Variants in CLYBL observed in about 807,000 individuals in gnomAD.
The protein encoded by CLYBL is citramalyl-CoA lyase, mitochondrial.
CLYBL carries 31 observed loss-of-function variants against 38.9 expected under a neutral mutation model. The observed-to-expected ratio is 0.80, with a 90% CI of 0.60 to 1.08. CLYBL has a LOEUF of 1.08. Ranked by LOEUF, CLYBL falls within the 50% of genes least tolerant of loss-of-function variation. The pLI, the probability that CLYBL is intolerant of heterozygous loss-of-function variation, is 0.00. For synonymous variants in CLYBL, 171 were observed against 158.6 expected (o/e 1.08, Z -0.59); for missense variants, 434 against 411.6 (o/e 1.05, Z -0.47).
chr13:99,902,626 C>T (rs2052655134), intron 8 of CLYBL, among the ~76,000 whole-genome samples: 1 of 152,222 alleles, frequency 6.6e-6, no homozygotes, highest in African/African-American at 2.4e-5. Flanking sequence ...TTTAGGACTG[C>T]ACCTTCATTT....
intron 7 of CLYBL, among the ~76,000 whole-genome samples, chr13:99,881,081 G>C (rs915673852): frequency 6.6e-6 from 1 of 152,032 alleles, no homozygotes; most frequent in Non-Finnish European, 1.5e-5. Flanking sequence ...CCCCAAACCC[G>C]ATATTCCCAC....
intron 7 of CLYBL, among the ~76,000 whole-genome samples, chr13:99,889,791 CTCA>C (rs1465831771): frequency 6.6e-6 from 1 of 152,176 alleles, no homozygotes; most frequent in Non-Finnish European, 1.5e-5. Context: ...CCTCTCAGCC[CTCA>C]TCATGAGAGC....
intron 2 of CLYBL, among the ~76,000 whole-genome samples, 164 bp downstream of exon 2, chr13:99,773,174 CTT>C (rs2049436398): frequency 6.6e-6 from 1 of 152,216 alleles, no homozygotes; most frequent in South Asian, 2.1e-4. Context: ...ATGTGTATCT[CTT>C]TTCTCTGAGA....
chr13:99,672,568 G>GT (rs2047582176), intron 1 of CLYBL, among the ~76,000 whole-genome samples: 1 of 151,344 alleles, frequency 6.6e-6, no homozygotes, highest in South Asian at 2.1e-4. Flanking sequence ...GAGCCCAAGA[G>GT]TTTGAGACCA....
At chr13:99,732,460 G>A (rs2048608256) in intron 1 of CLYBL, among the ~76,000 whole-genome samples, 1 of 152,148 alleles carries the variant, frequency 6.6e-6, no homozygotes, top group Admixed American at 6.5e-5. Flanking sequence ...ACTTACAGGT[G>A]TGAGCCACTG....
At position 99,891,336 on chromosome 13, in the gene CLYBL, G is replaced by A. The variant is rs1472421573; in HGVS notation, c.946G>A (p.Gly316Arg). Residue 316 changes from glycine to arginine, a missense_variant, in exon 8 of 9, where the codon GGG becomes AGG. Physicochemically the swap from Gly to Arg is moderately radical, Grantham distance 125. Coordinates refer to ENST00000339105, the MANE Select transcript of CLYBL (RefSeq NM_206808.5). ...TTTCCAGGGGGCCTTTACTTTCCAA[G>A]GGAGTATGATCGACATGCCATTACT... ...QLGKGAFTFQ[G>R]SMIDMPLLKQ... 6 of 1,613,550 alleles carry A rather than the reference G, an allele frequency of 3.7e-6. No homozygotes were observed. The East Asian group carries it at 6.7e-5, about 18-fold the overall frequency.
intron 1 of CLYBL, among the ~76,000 whole-genome samples, chr13:99,761,742 A>C (rs2049170126): frequency 6.6e-6 from 1 of 152,208 alleles, no homozygotes; most frequent in African/African-American, 2.4e-5. Context: ...GAGGAACCTC[A>C]ATACTGTTCT....
intron 2 of CLYBL, among the ~76,000 whole-genome samples, chr13:99,840,419 C>T (rs2051043300): frequency 6.6e-6 from 1 of 151,964 alleles, no homozygotes; most frequent in South Asian, 2.1e-4. Context: ...CAAGACCAGC[C>T]TGGGCAACAT....
chr13:99,833,827 C>T (rs780567761), intron 2 of CLYBL, among the ~76,000 whole-genome samples: 3 of 151,534 alleles, frequency 2.0e-5, no homozygotes, highest in East Asian at 1.9e-4. Flanking sequence ...CTCAGCCTCC[C>T]GAATAGCTGG....
chr13:99,770,044 C>T (rs1239409563), intron 1 of CLYBL, among the ~76,000 whole-genome samples: 2 of 151,406 alleles, frequency 1.3e-5, no homozygotes, highest in South Asian at 2.1e-4. Flanking sequence ...CATCAGTTTG[C>T]CAGGGTTTTA....
intron 1 of CLYBL, chr13:99,726,257 A>G (rs1403925699): frequency 6.6e-6 from 1 of 152,202 alleles, no homozygotes; most frequent in African/African-American, 2.4e-5. Flanking sequence ...TTCATCAAAT[A>G]TTATTTATTA....
At chr13:99,645,724 G>T (rs2139284980) in intron 1 of CLYBL, among the ~76,000 whole-genome samples, 1 of 151,844 alleles carries the variant, frequency 6.6e-6, no homozygotes, top group South Asian at 2.1e-4. Flanking sequence ...TATATATCCT[G>T]GTTATTAATC....
At chr13:99,764,296 T>G (rs911875750) in intron 1 of CLYBL, among the ~76,000 whole-genome samples, 2 of 152,186 alleles carry the variant, frequency 1.3e-5, no homozygotes, top group African/African-American at 4.8e-5. Context: ...TCAGTTTTTT[T>G]GAAGAATTTG....
chr13:99,644,752 G>A (rs1032007631), intron 1 of CLYBL, among the ~76,000 whole-genome samples: 2 of 152,142 alleles, frequency 1.3e-5, no homozygotes, highest in African/African-American at 4.8e-5. Flanking sequence ...TCCCACAAGT[G>A]AGTGAGAACA....
intron 7 of CLYBL, among the ~76,000 whole-genome samples, chr13:99,876,188 G>A (rs1442127937): frequency 4.0e-5 from 6 of 149,778 alleles, no homozygotes; most frequent in African/African-American, 1.5e-4. Context: ...TTGAGAGGCC[G>A]AGGTGGGCAG....
At chr13:99,795,872 A>T (rs957743215) in intron 2 of CLYBL, among the ~76,000 whole-genome samples, 1 of 152,172 alleles carries the variant, frequency 6.6e-6, no homozygotes, top group African/African-American at 2.4e-5. Flanking sequence ...TGAGCATTTC[A>T]TCTAAGCCCC....
At chr13:99,624,232 G>A (rs2046838779) in intron 1 of CLYBL, among the ~76,000 whole-genome samples, 1 of 152,116 alleles carries the variant, frequency 6.6e-6, no homozygotes, top group African/African-American at 2.4e-5. Context: ...TCCTGCACTG[G>A]GCTGGAAACT....
At chr13:99,856,618 A>G (rs951978358) in intron 2 of CLYBL, among the ~76,000 whole-genome samples, 1 of 152,048 alleles carries the variant, frequency 6.6e-6, no homozygotes, top group African/African-American at 2.4e-5. Context: ...CAAAAAGCTG[A>G]AAGTATTTCA....
At chr13:99,861,215 A>AT (rs1208401452) in intron 3 of CLYBL, among the ~76,000 whole-genome samples, 1 of 152,146 alleles carries the variant, frequency 6.6e-6, no homozygotes, top group Non-Finnish European at 1.5e-5. Context: ...ACTTAGTGCA[A>AT]TTTTTTAAGA....
Sources: allele counts gnomAD v4.1 joint callset (sites outside exome capture counted in the v4.1 genomes callset), GRCh38; gene constraint gnomAD v4.1.1; transcripts MANE v1.5; gene names NCBI Gene and HGNC (gene_info 2026-07-23, HGNC 2026-07-21).